The following USH2A variants were observed in gnomAD, a reference collection of about 807,000 sequenced individuals.
The protein encoded by USH2A is usherin, also known as Usher syndrome 2A (autosomal recessive, mild).
A neutral mutation model predicts 538.9 loss-of-function variants in USH2A; 443 were observed. The ratio of observed to expected loss-of-function variants is 0.82; its 90% CI spans 0.76 to 0.89. The LOEUF (loss-of-function observed/expected upper bound fraction) is 0.89. Ranked by LOEUF, USH2A falls within the 40% of genes least tolerant of loss-of-function variation. USH2A has a pLI of 0.00. For missense variants in USH2A, 6,633 were observed against 6,324.8 expected, an observed-to-expected ratio of 1.05 and a Z score of -1.65; for synonymous variants, 2,413 against 2,273.5, an observed-to-expected ratio of 1.06 and a Z score of -1.75.
At chr1:216,350,605 T>G (rs2038263036) in intron 4 of USH2A, among the ~76,000 whole-genome samples, 1 of 152,044 alleles carries the variant, frequency 6.6e-6, no homozygotes, top group Admixed American at 6.6e-5. Flanking sequence ...CAAAATAATC[T>G]CCTTTGACTC....
At chr1:216,181,128 T>C (rs17026244) in intron 20 of USH2A, among the ~76,000 whole-genome samples, 1,642 of 152,202 alleles carry the variant, frequency 0.011, 23 homozygotes, top group African/African-American at 0.038. Context: ...GGAGAGGATA[T>C]TACTAGAAGA....
At chr1:215,761,179 C>G (rs1410775792) in intron 56 of USH2A, among the ~76,000 whole-genome samples, 1 of 152,152 alleles carries the variant, frequency 6.6e-6, no homozygotes, top group East Asian at 1.9e-4. Context: ...TCCCTTACAG[C>G]ATGACATTTT....
At chr1:216,288,046 A>G (rs1489828928) in intron 11 of USH2A, among the ~76,000 whole-genome samples, 2 of 152,164 alleles carry the variant, frequency 1.3e-5, no homozygotes, top group African/African-American at 4.8e-5. Context: ...AATGAGAGTA[A>G]CATGGTGATA....
chr1:216,285,675 C>T (rs1447154671), intron 11 of USH2A, among the ~76,000 whole-genome samples: 2 of 152,210 alleles, frequency 1.3e-5, no homozygotes, highest in African/African-American at 4.8e-5. Context: ...AAGCCACAGA[C>T]ACTCAATGCC....
At position 216,271,271 on chromosome 1, in the gene USH2A, G is replaced by T. The variant is rs368136793; in HGVS notation, c.1971+18009C>A. 7.9e-5 allele frequency among the ~76,000 whole-genome samples: 12 copies of T among 152,160 alleles called. No homozygotes were observed. The South Asian group carries it at 2.3e-3, about 29-fold the overall frequency. On this transcript the variant is annotated intron_variant, in intron 11 of 71. Coordinates refer to ENST00000307340, the MANE Select transcript of USH2A (RefSeq NM_206933.4). ...CCCAGACTTTCTATAGGAAGGGCAGGGTGGCCAAAAATGTTGCTCAGGGAT... is the reference window on the plus strand; with the variant it reads ...CCCAGACTTTCTATAGGAAGGGCAGTGTGGCCAAAAATGTTGCTCAGGGAT...
chr1:215,650,531 G>T, intron 65 of USH2A, 61 bp downstream of exon 65: 1 of 1,593,248 alleles, frequency 6.3e-7, no homozygotes, highest in Non-Finnish European at 8.6e-7. Flanking sequence ...TAAAAACAAA[G>T]GTTTCATAGT....
intron 21 of USH2A, among the ~76,000 whole-genome samples, chr1:216,128,699 A>T (rs1266754966): frequency 6.6e-6 from 1 of 152,114 alleles, no homozygotes; most frequent in Non-Finnish European, 1.5e-5. Context: ...TCAAATCAGG[A>T]TAATTGGGAT....
At chr1:216,136,751 T>C (rs1056203787) in intron 21 of USH2A, among the ~76,000 whole-genome samples, 2 of 152,130 alleles carry the variant, frequency 1.3e-5, no homozygotes, top group African/African-American at 4.8e-5. Flanking sequence ...AAGAGACAGA[T>C]GTGCATGCAA....
chr1:215,732,154 C>G (rs536021165), intron 60 of USH2A, among the ~76,000 whole-genome samples: 23 of 152,150 alleles, frequency 1.5e-4, no homozygotes, highest in Non-Finnish European at 2.6e-4. Context: ...AATGCAGACC[C>G]TGAACTAGAT....
At chr1:216,176,187 C>T (rs556678127) in intron 20 of USH2A, among the ~76,000 whole-genome samples, 1 of 152,062 alleles carries the variant, frequency 6.6e-6, no homozygotes, top group Admixed American at 6.5e-5. Flanking sequence ...TCCTGTGGAG[C>T]ACGGCTACAC....
At chr1:215,627,449 C>CTTCCTTCCTTCCTTCTTTCCTTCCTTCT (rs1656089057) in intron 71 of USH2A, among the ~76,000 whole-genome samples, 1 of 83,926 alleles carries the variant, frequency 1.2e-5, no homozygotes, top group African/African-American at 3.8e-5. Context: ...TCCTTCCTTC[C>CTTCCTTCCTTCCTTCTTTCCTTCCTTCT]TTCCTTCCTT....
At chr1:216,050,325 GATAATA>G (rs745741579) in intron 30 of USH2A, among the ~76,000 whole-genome samples, 184 of 152,228 alleles carry the variant, frequency 1.2e-3, no homozygotes, top group Non-Finnish European at 2.1e-3. Flanking sequence ...TCTGTAAACA[GATAATA>G]ATAATCTCGG....
Position 215,676,830 on chromosome 1 carries a change from T to C in USH2A, c.12295-1214A>G, listed in dbSNP as rs147873822. ...TGATATTCACCCGGCAAATCTCTAA[T>C]TAGTGTAAAATTTAGCTGTCCCTCT... On this transcript the variant is annotated intron_variant, in intron 62 of 71. Transcript: ENST00000307340. Among the ~76,000 whole-genome samples the C allele has an allele frequency of 3.8e-3, 582 of 152,244 alleles. 3 individuals carry two copies. The highest frequency in any genetic ancestry group is 0.012 in the African/African-American group (519 of 41,542).
chr1:215,904,697 C>T (rs1334215943), intron 38 of USH2A, among the ~76,000 whole-genome samples: 1 of 152,034 alleles, frequency 6.6e-6, no homozygotes, highest in Non-Finnish European at 1.5e-5. Context: ...GGGGCAAACA[C>T]TCCAAGACAA....
intron 3 of USH2A, among the ~76,000 whole-genome samples, chr1:216,390,861 C>T (rs2039095519): frequency 6.6e-6 from 1 of 152,088 alleles, no homozygotes; most frequent in African/African-American, 2.4e-5. Context: ...AATCATTACT[C>T]GTCAGATTTA....
At chr1:216,104,014 T>A (rs911659800) in intron 21 of USH2A, among the ~76,000 whole-genome samples, 2 of 152,206 alleles carry the variant, frequency 1.3e-5, no homozygotes, top group Non-Finnish European at 2.9e-5. Flanking sequence ...AACATATACC[T>A]AGCCGAATCC....
At chr1:216,076,503 G>A (rs887734057) in intron 27 of USH2A, among the ~76,000 whole-genome samples, 2 of 151,904 alleles carry the variant, frequency 1.3e-5, no homozygotes, top group East Asian at 3.9e-4. Flanking sequence ...TACATGCAGG[G>A]TTTTTGTTTC....
intron 11 of USH2A, among the ~76,000 whole-genome samples, chr1:216,281,414 A>G (rs2036773547): frequency 6.6e-6 from 1 of 152,146 alleles, no homozygotes; most frequent in Non-Finnish European, 1.5e-5. Context: ...ATTTTAAAGC[A>G]TGTCTTTCCT....
intron 30 of USH2A, among the ~76,000 whole-genome samples, chr1:216,066,967 T>C (rs1558239728): frequency 6.6e-6 from 1 of 152,146 alleles, no homozygotes; most frequent in African/African-American, 2.4e-5. Flanking sequence ...CTGCTAGGGA[T>C]TTATTATATC....
Sources: allele counts gnomAD v4.1 joint callset (sites outside exome capture counted in the v4.1 genomes callset), GRCh38; gene constraint gnomAD v4.1.1; transcripts MANE v1.5; gene names NCBI Gene and HGNC (gene_info 2026-07-23, HGNC 2026-07-21).